CDH13: variants seen among roughly 807,000 people sequenced by gnomAD.
CDH13 encodes cadherin-13.
A neutral mutation model predicts 63.8 loss-of-function variants in CDH13; 24 were observed. The ratio of observed to expected loss-of-function variants is 0.38; its 90% CI spans 0.27 to 0.53. The LOEUF (loss-of-function observed/expected upper bound fraction) is 0.53. Among genes scored for constraint, CDH13 ranks in the 20% least tolerant of loss-of-function variants. The pLI, the probability that CDH13 is intolerant of heterozygous loss-of-function variation, is 0.85. For synonymous variants in CDH13, 503 were observed against 355.3 expected, an observed-to-expected ratio of 1.42 and a Z score of -4.67; for missense variants, 1,049 against 903.1, an observed-to-expected ratio of 1.16 and a Z score of -2.07.
chr16:83,085,208 C>T (rs532592130), intron 3 of CDH13, among the ~76,000 whole-genome samples: 6 of 151,874 alleles, frequency 4.0e-5, no homozygotes, highest in South Asian at 2.1e-4. Flanking sequence ...TTCTTGGTGG[C>T]GGCAAGGGAA....
chr16:83,737,782 A>G (rs1445353704), intron 10 of CDH13, among the ~76,000 whole-genome samples: 2 of 152,134 alleles, frequency 1.3e-5, no homozygotes, highest in African/African-American at 2.4e-5. Context: ...CAAATGCCCA[A>G]CCCTCGTGGG....
intron 4 of CDH13, among the ~76,000 whole-genome samples, chr16:83,151,943 C>CAAA (rs10645879): frequency 7.1e-5 from 7 of 98,728 alleles, no homozygotes; most frequent in East Asian, 2.8e-4. Flanking sequence ...GCCTGGGCAA[C>CAAA]AAAAAAAAAA....
intron 5 of CDH13, among the ~76,000 whole-genome samples, chr16:83,241,696 A>G (rs1904466838): frequency 6.6e-6 from 1 of 152,062 alleles, no homozygotes; most frequent in Non-Finnish European, 1.5e-5. Context: ...TTTTTGTTGG[A>G]TGAAGTTGGG....
chr16:82,959,926 A>G (rs1906713683), intron 2 of CDH13, among the ~76,000 whole-genome samples: 1 of 152,212 alleles, frequency 6.6e-6, no homozygotes, highest in Non-Finnish European at 1.5e-5. Flanking sequence ...AATTCGCCCA[A>G]AAGTGCAATG....
At position 83,384,296 on chromosome 16, in the gene CDH13, T is replaced by C. The variant is rs151003678; in HGVS notation, c.781+39290T>C. On this transcript the variant is annotated intron_variant, in intron 6 of 13. Transcript: ENST00000567109. ...TCTCAACCATGCCAGCCATCTCTGCTGACTGCCACCTCTGCCTGACTTCCC... is the reference window on the plus strand; with the variant it reads ...TCTCAACCATGCCAGCCATCTCTGCCGACTGCCACCTCTGCCTGACTTCCC... Among the ~76,000 whole-genome samples the C allele has an allele frequency of 3.3e-3, 504 of 152,314 alleles. 2 individuals carry two copies. The highest frequency in any genetic ancestry group is 5.4e-3 in the Non-Finnish European group (365 of 68,022).
intron 8 of CDH13, among the ~76,000 whole-genome samples, chr16:83,650,167 C>A (rs1912229460): frequency 6.6e-6 from 1 of 151,992 alleles, no homozygotes; most frequent in Admixed American, 6.6e-5. Context: ...CACTTGGCAC[C>A]CACAGGTATA....
rs34156503 is a variant in CDH13, at chr16:83,672,409, C to CTTTTTTTTTTTT, written c.1284+1460_1284+1471dup. ...AGAGTGAGGCAGCTCTCTGGATTCT[C>CTTTTTTTTTTTT]TTTTTTTTTTTTTTTTTTTTTTTTT... On this transcript the variant is annotated intron_variant, in intron 9 of 13. Transcript: ENST00000567109. Among the ~76,000 whole-genome samples, 51 of 35,142 alleles carry CTTTTTTTTTTTT rather than the reference C, an allele frequency of 1.5e-3. 14 individuals are homozygous for CTTTTTTTTTTTT. Among genetic ancestry groups the CTTTTTTTTTTTT allele is most frequent in the Admixed American group, 2.2e-3 (4 of 1,840 alleles). 23.1% of individuals were successfully genotyped at this position (35,142 alleles called of 152,430 possible).
chr16:82,752,857 G>A (rs1480737351), intron 1 of CDH13, among the ~76,000 whole-genome samples: 2 of 152,202 alleles, frequency 1.3e-5, no homozygotes, highest in Non-Finnish European at 2.9e-5. Context: ...TGGCACTGGG[G>A]AGGGATGTGC....
intron 2 of CDH13, among the ~76,000 whole-genome samples, chr16:83,015,500 T>A (rs910326669): frequency 6.6e-6 from 1 of 151,238 alleles, no homozygotes; most frequent in African/African-American, 2.4e-5. Context: ...TATCTGAAAA[T>A]CAACATAATC....
At chr16:83,436,501 A>T (rs540670769) in intron 6 of CDH13, among the ~76,000 whole-genome samples, 1 of 152,266 alleles carries the variant, frequency 6.6e-6, no homozygotes, top group South Asian at 2.1e-4. Context: ...ACAATGAATA[A>T]TGACCCAAGT....
intron 8 of CDH13, among the ~76,000 whole-genome samples, chr16:83,614,474 C>T (rs1909120222): frequency 6.6e-6 from 1 of 152,234 alleles, no homozygotes; most frequent in Admixed American, 6.5e-5. Flanking sequence ...TTAGCCTGCT[C>T]TTCCTCTGCC....
intron 7 of CDH13, among the ~76,000 whole-genome samples, chr16:83,541,886 T>C (rs747561415): frequency 3.9e-5 from 6 of 152,240 alleles, no homozygotes; most frequent in Non-Finnish European, 8.8e-5. Flanking sequence ...AGCTTTAGAA[T>C]GCAAGCCCCA....
intron 7 of CDH13, among the ~76,000 whole-genome samples, chr16:83,523,448 C>T (rs139598716): frequency 7.1e-4 from 108 of 152,220 alleles, no homozygotes; most frequent in African/African-American, 2.4e-3. Flanking sequence ...GTCATATGTA[C>T]CCTACCCTTT....
intron 2 of CDH13, among the ~76,000 whole-genome samples, chr16:82,986,091 G>C (rs1234622482): frequency 6.6e-6 from 1 of 152,180 alleles, no homozygotes; most frequent in Non-Finnish European, 1.5e-5. Context: ...CGTAAGAATG[G>C]ACTAATACAG....
chr16:83,443,297 C>A (rs539883987), intron 6 of CDH13, among the ~76,000 whole-genome samples: 2 of 152,094 alleles, frequency 1.3e-5, no homozygotes, highest in Non-Finnish European at 2.9e-5. Flanking sequence ...GGCTGGGAGG[C>A]CCTTCCGCAA....
At chr16:83,112,281 G>T (rs376167046) in intron 3 of CDH13, among the ~76,000 whole-genome samples, 1 of 152,184 alleles carries the variant, frequency 6.6e-6, no homozygotes, top group Non-Finnish European at 1.5e-5. Flanking sequence ...AACCAATCCC[G>T]TTGGCAGGGA....
intron 5 of CDH13, among the ~76,000 whole-genome samples, chr16:83,308,758 G>C (rs1291467435): frequency 6.6e-6 from 1 of 152,190 alleles, no homozygotes; most frequent in Admixed American, 6.5e-5. Flanking sequence ...CAGAGCTGAG[G>C]TAAAATGAGG....
At position 83,069,806 on chromosome 16, in the gene CDH13, G is replaced by A. The variant is rs181109359; in HGVS notation, c.366+37588G>A. On this transcript the variant is annotated intron_variant, in intron 3 of 13. Coordinates refer to ENST00000567109, the MANE Select transcript of CDH13 (RefSeq NM_001257.5). The stretch of plus-strand genomic sequence containing the variant: ...CCATGCATCTCCTTAGATTTAACAC[G>A]ATAGGCTCTGTCTCTCACAAGGGCA... Among the ~76,000 whole-genome samples the A allele has an allele frequency of 2.5e-4, 38 of 152,218 alleles. 1 individual carries two copies. Among genetic ancestry groups the A allele is most frequent in the Admixed American group, 2.0e-3 (30 of 15,270 alleles).
intron 6 of CDH13, among the ~76,000 whole-genome samples, chr16:83,473,924 C>A (rs1477865345): frequency 6.6e-6 from 1 of 152,120 alleles, no homozygotes; most frequent in African/African-American, 2.4e-5. Flanking sequence ...TGATTAAATG[C>A]TTGCAATGCC....
Sources: allele counts gnomAD v4.1 joint callset (sites outside exome capture counted in the v4.1 genomes callset), GRCh38; gene constraint gnomAD v4.1.1; transcripts MANE v1.5; gene names NCBI Gene and HGNC (gene_info 2026-07-23, HGNC 2026-07-21).